The following FAM131B variants were observed in gnomAD, a reference collection of about 807,000 sequenced individuals.
FAM131B encodes protein FAM131B.
FAM131B carries 19 observed loss-of-function variants against 42.0 expected under a neutral mutation model. That is an observed-to-expected ratio of 0.45 (90% CI 0.32 to 0.66). The LOEUF (loss-of-function observed/expected upper bound fraction) is 0.66. Among genes scored for constraint, FAM131B ranks in the 30% least tolerant of loss-of-function variants. The pLI, the probability that FAM131B is intolerant of heterozygous loss-of-function variation, is 0.05. For missense variants in FAM131B, 370 were observed against 468.4 expected, an observed-to-expected ratio of 0.79 and a Z score of 1.94; for synonymous variants, 183 against 177.6, an observed-to-expected ratio of 1.03 and a Z score of -0.24.
chr7:143,372,249 T>C, the FAM131B span, among the ~76,000 whole-genome samples: 1 of 152,042 alleles, frequency 6.6e-6, no homozygotes, highest in East Asian at 1.9e-4. Context: ...AGGCATGGAG[T>C]TGGTAGAATT....
chr7:143,381,385 C>G, the FAM131B span: 2 of 1,181,666 alleles, frequency 1.7e-6, no homozygotes, highest in Non-Finnish European at 2.1e-6. Context: ...CCACCCGAGA[C>G]GCGGCGCGCA....
At chr7:143,362,876 C>A, upstream of FAM131B, 1 of 151,586 alleles carries the variant, frequency 6.6e-6, no homozygotes, top group South Asian at 1.8e-4. This position sits in a 1 kb window ranked among gnomAD's most constrained non-coding sequence, Gnocchi z 7.7. Context: ...CGCCTCCCCG[C>A]CCCTGCTCCG....
upstream of FAM131B, among the ~76,000 whole-genome samples, chr7:143,365,753 C>T (rs182338902): frequency 6.6e-6 from 1 of 152,054 alleles, no homozygotes; most frequent in East Asian, 1.9e-4. Flanking sequence ...GACATGTGCC[C>T]CAACCCTCGG....
the FAM131B span, among the ~76,000 whole-genome samples, chr7:143,368,477 T>C: frequency 6.6e-6 from 1 of 152,204 alleles, no homozygotes; most frequent in Non-Finnish European, 1.5e-5. Context: ...CCTGCCTGTC[T>C]AGTATTTATG....
the FAM131B span, among the ~76,000 whole-genome samples, chr7:143,377,215 C>T: frequency 1.1e-4 from 17 of 152,340 alleles, no homozygotes; most frequent in African/African-American, 3.6e-4. Flanking sequence ...ACCTCAGCCT[C>T]CCAAGGTGGT....
chr7:143,374,672 C>T, the FAM131B span, among the ~76,000 whole-genome samples: 1 of 152,224 alleles, frequency 6.6e-6, no homozygotes, highest in East Asian at 1.9e-4. Flanking sequence ...CACCCTGTAC[C>T]TCCAGTGAGG....
At chr7:143,381,745 C>T in the FAM131B span, 1 of 1,590,916 alleles carries the variant, frequency 6.3e-7, no homozygotes. Context: ...CACAGATGGG[C>T]CGGGTGGGCG....
rs1563096400 is a variant in FAM131B at position 143,359,418 on chromosome 7, A to G, written c.176T>C (p.Leu59Pro). 1 of 1,611,996 alleles carries G rather than the reference A, an allele frequency of 6.2e-7. No homozygotes were observed. Among genetic ancestry groups the G allele is most frequent in the Non-Finnish European group, 8.5e-7 (1 of 1,178,584 alleles). The change falls in exon 4 of 7, where the codon CTC (leucine) becomes CCC (proline). Residue 59 changes from leucine to proline, a missense_variant and splice_region_variant. By Grantham distance (98) the Leu-to-Pro change is moderately conservative. Coordinates refer to ENST00000443739, the MANE Select transcript of FAM131B (RefSeq NM_001031690.3). The surrounding 1 kb of genome is among the most constrained non-coding windows in gnomAD (Gnocchi z 5.4). The part of the protein sequence containing the change: ...RTDFSWDGIN[L>P]SMEDTTSILP... ...AATGGAAGTGGTGTCCTCCATGGAG[A>G]GCTGGGATGGGAATGTGGGAGGAAG...
the FAM131B span, among the ~76,000 whole-genome samples, chr7:143,368,378 T>G: frequency 7.9e-3 from 1,203 of 152,364 alleles, 13 homozygotes; most frequent in Non-Finnish European, 0.011. Context: ...CCAGCCTCAG[T>G]AGGCCTATCT....
chr7:143,372,650 GTAA>G, the FAM131B span, among the ~76,000 whole-genome samples: 2 of 152,154 alleles, frequency 1.3e-5, no homozygotes, highest in East Asian at 3.8e-4. Flanking sequence ...TGCCAAAAAA[GTAA>G]AATACCTCAT....
chr7:143,355,133 G>A lies in FAM131B; in HGVS notation c.*1417C>T, dbSNP rs1471615054. 1.3e-5 allele frequency: 2 copies of A among 152,730 alleles called. No individual in the cohort carries two copies. The highest frequency in any genetic ancestry group is 6.5e-5 in the Admixed American group (1 of 15,308). 9.5% of individuals were successfully genotyped at this position (152,730 alleles called of 1,614,324 possible). On this transcript the variant is annotated 3_prime_UTR_variant, in exon 7 of 7. Transcript: ENST00000443739. This position sits in a 1 kb window ranked among gnomAD's most constrained non-coding sequence, Gnocchi z 4.1. ...CCTACCCGAACTCTGCCTGTGCCAA[G>A]GGCTGGGGAGGGGCTACCTGGGCAG...
upstream of FAM131B, chr7:143,362,874 C>T (rs1804070868): frequency 6.6e-6 from 1 of 151,504 alleles, no homozygotes; most frequent in African/African-American, 2.4e-5. This position sits in a 1 kb window ranked among gnomAD's most constrained non-coding sequence, Gnocchi z 7.7. Context: ...CGCGCCTCCC[C>T]GCCCCTGCTC....
At position 143,356,362 on chromosome 7, in the gene FAM131B, TG is replaced by T. The variant is rs1803652346; in HGVS notation, c.*187del. ...GCCCAGGTCTCAGTTCCCAGGCCTG[TG>T]GGTTTCTAGAGTGTAAGCCTGGATA... On this transcript the variant is annotated 3_prime_UTR_variant, in exon 7 of 7. Transcript: ENST00000443739. This position sits in a 1 kb window ranked among gnomAD's most constrained non-coding sequence, Gnocchi z 4.4. 1.7e-6 allele frequency: 1 copy of T among 582,650 alleles called. No individual in the cohort carries two copies. The highest frequency in any genetic ancestry group is 2.8e-5 in the East Asian group (1 of 35,602). The allele number at this position is 582,650 out of a possible 1,614,324, so 36.1% of individuals were successfully genotyped here.
chr7:143,368,023 A>C, the FAM131B span, among the ~76,000 whole-genome samples: 4 of 152,226 alleles, frequency 2.6e-5, no homozygotes, highest in Non-Finnish European at 5.9e-5. Flanking sequence ...TTCTGATAAG[A>C]AAGGCCAAGC....
rs1563094710 is a variant in FAM131B at position 143,356,610 on chromosome 7, A to G, written c.1023T>C (p.Ser341=). ...ACTGCACACCTGAGGATGTGACGTCAGACACCTTCCGGCTGAGAGCGGTAG... is the reference window on the plus strand; with the variant it reads ...ACTGCACACCTGAGGATGTGACGTCGGACACCTTCCGGCTGAGAGCGGTAG... ...EMSTALSRKV[S]DVTSSGVQSF... Residue 341 remains serine (S), a synonymous_variant, in exon 7 of 7, where the codon TCT becomes TCC. Transcript: ENST00000443739. The surrounding 1 kb of genome is among the most constrained non-coding windows in gnomAD (Gnocchi z 4.4). The G allele has an allele frequency of 3.1e-6, 5 of 1,614,046 alleles. No homozygotes were observed. The highest frequency in any genetic ancestry group is 1.1e-5 in the South Asian group (1 of 91,058).
the FAM131B span, chr7:143,380,824 C>G: frequency 2.1e-6 from 2 of 973,840 alleles, no homozygotes; most frequent in Non-Finnish European, 2.4e-6. This position sits in a 1 kb window ranked among gnomAD's most constrained non-coding sequence, Gnocchi z 5.0. Flanking sequence ...TTCGGCCACC[C>G]CAGGCGGACT....
At chr7:143,366,187 C>T (rs957935621), upstream of FAM131B, among the ~76,000 whole-genome samples, 24 of 152,226 alleles carry the variant, frequency 1.6e-4, no homozygotes, top group Admixed American at 9.2e-4. Context: ...CGTTCTTTCA[C>T]GCTTGTCTTT....
chr7:143,377,103 G>C, the FAM131B span, among the ~76,000 whole-genome samples: 2 of 152,022 alleles, frequency 1.3e-5, no homozygotes, highest in Non-Finnish European at 2.9e-5. Flanking sequence ...GATTACAGGC[G>C]CACACCACCA....
rs921459314 is a variant in FAM131B, at chr7:143,354,569, T to G, written c.*1981A>C. On this transcript the variant is annotated 3_prime_UTR_variant, in exon 7 of 7. Coordinates refer to ENST00000443739, the MANE Select transcript of FAM131B (RefSeq NM_001031690.3). ...CCTGCAGCAGGAGACGGGTGGGGAA[T>G]AGCTGCCAGGGCGGGCATGCTAGAC... 6.6e-6 allele frequency: 1 copy of G among 152,108 alleles called. No homozygotes were observed. The allele number at this position is 152,108 out of a possible 1,614,324, so 9.4% of individuals were successfully genotyped here. A position where few individuals can be genotyped will look rare whatever the true frequency, so the allele number is the denominator to read the frequency against.
Sources: gnomAD v4.1 joint callset for allele counts (sites outside exome capture counted in the v4.1 genomes callset) on GRCh38, gnomAD v4.1.1 for gene constraint, Gnocchi (gnomAD v3.1) non-coding constraint, MANE v1.5 for transcripts, NCBI Gene and HGNC (gene_info 2026-07-23, HGNC 2026-07-21) for gene names.